The following CSMD1 variants were observed in gnomAD, a reference collection of about 807,000 sequenced individuals.
CSMD1 encodes the protein CUB and Sushi multiple domains 1, also known as CUB and sushi domain-containing protein 1.
A neutral mutation model predicts 417.5 loss-of-function variants in CSMD1; 213 were observed. The observed-to-expected ratio is 0.51, with a 90% CI of 0.46 to 0.57. The LOEUF (loss-of-function observed/expected upper bound fraction) is 0.57, where lower values mean the gene tolerates loss of function less well. CSMD1 is among the 20% of genes least tolerant of loss of function. The pLI is 0.00. For synonymous variants in CSMD1, 2,862 were observed against 1,736.8 expected (o/e 1.65, Z -16.11); for missense variants, 6,923 against 4,529.7 (o/e 1.53, Z -15.17).
chr8:3,262,200 T>C (rs1286660312), intron 26 of CSMD1, among the ~76,000 whole-genome samples: 1,307 of 86,054 alleles, frequency 0.015, 94 homozygotes, highest in Admixed American at 0.095. Context: ...TATATATATA[T>C]ATATATATAT....
chr8:3,720,960 C>G (rs1412653001), intron 6 of CSMD1, among the ~76,000 whole-genome samples: 2 of 151,940 alleles, frequency 1.3e-5, no homozygotes, highest in African/African-American at 4.8e-5. Context: ...GGATTACAGG[C>G]ACCCACCACT....
chr8:4,557,571 T>G (rs1364300928), intron 2 of CSMD1, among the ~76,000 whole-genome samples: 1 of 150,896 alleles, frequency 6.6e-6, no homozygotes, highest in Non-Finnish European at 1.5e-5. Flanking sequence ...ACAACAGTAT[T>G]AAGATACTTA....
intron 7 of CSMD1, among the ~76,000 whole-genome samples, chr8:3,695,751 G>A (rs1299321502): frequency 6.6e-6 from 1 of 152,134 alleles, no homozygotes; most frequent in African/African-American, 2.4e-5. Flanking sequence ...CTAAACCCTA[G>A]TCTGAGCATA....
chr8:3,486,996 G>C (rs985763203), intron 11 of CSMD1, among the ~76,000 whole-genome samples: 9 of 152,158 alleles, frequency 5.9e-5, no homozygotes, highest in East Asian at 5.8e-4. Flanking sequence ...CTTGATCCTG[G>C]GGAGTTGATC....
intron 3 of CSMD1, among the ~76,000 whole-genome samples, chr8:4,078,032 C>T (rs993073378): frequency 1.3e-5 from 2 of 152,094 alleles, no homozygotes; most frequent in African/African-American, 4.8e-5. Context: ...TCAAGAAATG[C>T]AATCCACCAG....
intron 3 of CSMD1, among the ~76,000 whole-genome samples, chr8:4,310,184 A>G (rs1798483123): frequency 6.6e-6 from 1 of 152,178 alleles, no homozygotes; most frequent in African/African-American, 2.4e-5. Context: ...CCATAAAGAA[A>G]CAATGGTAAT....
intron 7 of CSMD1, among the ~76,000 whole-genome samples, chr8:3,706,788 A>G (rs1315889809): frequency 4.6e-5 from 7 of 152,158 alleles, no homozygotes; most frequent in East Asian, 1.9e-4. Context: ...TGTAAATACT[A>G]TATCTCCCTC....
At chr8:3,902,538 G>T (rs982558378) in intron 5 of CSMD1, among the ~76,000 whole-genome samples, 2 of 152,128 alleles carry the variant, frequency 1.3e-5, no homozygotes, top group Non-Finnish European at 2.9e-5. Flanking sequence ...TTCTCACAAG[G>T]AGCTCACAAC....
intron 2 of CSMD1, among the ~76,000 whole-genome samples, chr8:4,510,418 A>AAAAAAAAAAAAAAAAAAAAAAAAC (rs1802757928): frequency 8.4e-6 from 1 of 119,576 alleles, no homozygotes; most frequent in Non-Finnish European, 1.8e-5. Context: ...AAAAAAAAAA[A>AAAAAAAAAAAAAAAAAAAAAAAAC]AAAAGCAAAT....
chr8:3,625,544 C>G (rs1383725809), intron 7 of CSMD1, among the ~76,000 whole-genome samples: 1 of 152,114 alleles, frequency 6.6e-6, no homozygotes, highest in Non-Finnish European at 1.5e-5. Context: ...GTCTCTAACT[C>G]AACTGCCATG....
At chr8:4,618,123 G>T (rs1022008587) in intron 2 of CSMD1, among the ~76,000 whole-genome samples, 3 of 152,060 alleles carry the variant, frequency 2.0e-5, no homozygotes, top group Non-Finnish European at 2.9e-5. Context: ...CACATGAAAG[G>T]TTTCTGTCCT....
chr8:3,797,969 T>A (rs761810178), intron 5 of CSMD1, among the ~76,000 whole-genome samples: 1 of 152,062 alleles, frequency 6.6e-6, no homozygotes, highest in Non-Finnish European at 1.5e-5. Context: ...TACTGGCATC[T>A]CATTGCGGTT....
Position 2,974,515 on chromosome 8 carries a change from T to G in CSMD1, c.8676A>C (p.Ile2892=), listed in dbSNP as rs1311016112. Residue 2892 remains isoleucine (I), a synonymous_variant, in exon 56 of 70, where the codon ATA becomes ATC. Coordinates refer to ENST00000635120, the MANE Select transcript of CSMD1 (RefSeq NM_033225.6). ...CCTGGCACACTCTCGTGTCGTTGCC[T>G]ATGAGGCTCTCGCTCCCTCTGCAGG... ...HYSCRGSESL[I]GNDTRVCQED... The G allele has an allele frequency of 6.2e-7, 1 of 1,613,676 alleles. No homozygotes were observed. Among genetic ancestry groups the G allele is most frequent in the Admixed American group, 1.7e-5 (1 of 60,014 alleles).
At chr8:4,343,603 A>C (rs1223263718) in intron 3 of CSMD1, among the ~76,000 whole-genome samples, 1 of 152,120 alleles carries the variant, frequency 6.6e-6, no homozygotes, top group East Asian at 1.9e-4. Context: ...TCTAATAGAA[A>C]CTAACCCAAA....
Position 3,354,401 on chromosome 8 carries a change from T to C in CSMD1, c.3304+4751A>G, listed in dbSNP as rs563041432. On this transcript the variant is annotated intron_variant, in intron 21 of 69. Coordinates refer to ENST00000635120, the MANE Select transcript of CSMD1 (RefSeq NM_033225.6). ...AAAACTATTAATATGCAGATCTCTA[T>C]GTTTTAGAAGCTTTATTTTAAAAGC... Among the ~76,000 whole-genome samples, 38 of 152,286 alleles carry C rather than the reference T, an allele frequency of 2.5e-4. No homozygotes were observed. The South Asian group carries it at 7.9e-3, about 32-fold the overall frequency.
chr8:3,243,371 A>G (rs984074448), intron 26 of CSMD1, among the ~76,000 whole-genome samples: 2 of 152,072 alleles, frequency 1.3e-5, no homozygotes, highest in African/African-American at 2.4e-5. Context: ...TGTGAGCAAT[A>G]AAGCTGTTTA....
intron 5 of CSMD1, among the ~76,000 whole-genome samples, chr8:3,811,685 G>C (rs570130287): frequency 4.6e-5 from 7 of 152,172 alleles, no homozygotes; most frequent in Non-Finnish European, 1.0e-4. Flanking sequence ...TTCAATACTA[G>C]ATGGATGTTT....
chr8:3,352,865 A>G (rs1234989299), intron 21 of CSMD1, among the ~76,000 whole-genome samples: 20 of 152,128 alleles, frequency 1.3e-4, no homozygotes, highest in Admixed American at 1.2e-3. Context: ...CAAAGAAACA[A>G]ACAAACAAAA....
chr8:3,394,988 T>A (rs1332196860), intron 17 of CSMD1, among the ~76,000 whole-genome samples: 2 of 152,180 alleles, frequency 1.3e-5, no homozygotes, highest in Non-Finnish European at 2.9e-5. Context: ...TGTATACTTA[T>A]ATGAGTATGT....
Sources: allele counts gnomAD v4.1 joint callset (sites outside exome capture counted in the v4.1 genomes callset), GRCh38; gene constraint gnomAD v4.1.1; transcripts MANE v1.5; gene names NCBI Gene and HGNC (gene_info 2026-07-23, HGNC 2026-07-21).